COL4A2: variants seen among roughly 807,000 people sequenced by gnomAD.
COL4A2 encodes the protein collagen alpha-2(IV) chain.
In COL4A2, 99 loss-of-function variants were observed where a neutral mutation model predicts 200.2. The observed-to-expected ratio is 0.49, with a 90% CI of 0.42 to 0.58. COL4A2 has a LOEUF of 0.58. Among genes scored for constraint, COL4A2 ranks in the 20% least tolerant of loss-of-function variants. The pLI, the probability that COL4A2 is intolerant of heterozygous loss-of-function variation, is 0.00. For synonymous variants in COL4A2, 897 were observed against 900.6 expected (o/e 1.00, Z 0.07); for missense variants, 1,950 against 2,314.1 (o/e 0.84, Z 3.23).
chr13:110,463,782 T>A (rs1484643427), intron 24 of COL4A2, among the ~76,000 whole-genome samples: 1 of 152,206 alleles, frequency 6.6e-6, no homozygotes, highest in African/African-American at 2.4e-5. Flanking sequence ...GTGATTCTCC[T>A]GCCTTGGCTT....
intron 4 of COL4A2, among the ~76,000 whole-genome samples, chr13:110,422,852 T>A (rs1393170872): frequency 6.6e-6 from 1 of 152,216 alleles, no homozygotes. Flanking sequence ...CCCTCCATGC[T>A]ACTGCCTCAA....
intron 22 of COL4A2, among the ~76,000 whole-genome samples, chr13:110,461,083 T>C (rs1193507779): frequency 6.6e-6 from 1 of 152,212 alleles, no homozygotes; most frequent in African/African-American, 2.4e-5. Context: ...GGTACCCTGC[T>C]CATCGTGGAA....
intron 15 of COL4A2, 149 bp downstream of exon 15, chr13:110,438,817 C>CAT: frequency 1.4e-6 from 1 of 693,492 alleles, no homozygotes; most frequent in Non-Finnish European, 2.4e-6. Flanking sequence ...CCCCCACACA[C>CAT]ACACACAGCA....
intron 18 of COL4A2, 44 bp from the exon 19 acceptor site, chr13:110,449,635 A>G: frequency 6.7e-7 from 1 of 1,498,060 alleles, no homozygotes; most frequent in Non-Finnish European, 8.9e-7. Flanking sequence ...TGCGATCCGT[A>G]GACCACGGTC....
intron 20 of COL4A2, among the ~76,000 whole-genome samples, chr13:110,454,555 G>T (rs146566747): frequency 6.6e-6 from 1 of 152,120 alleles, no homozygotes; most frequent in Admixed American, 6.5e-5. Flanking sequence ...CAACTGACCG[G>T]ACACGCAGCT....
intron 39 of COL4A2, 76 bp downstream of exon 39, chr13:110,493,358 C>A: frequency 6.7e-7 from 1 of 1,495,332 alleles, no homozygotes; most frequent in Non-Finnish European, 9.3e-7. Context: ...GTCTGCCCTC[C>A]AGACTTCAGG....
chr13:110,323,749 C>T (rs1005845335), intron 3 of COL4A2, among the ~76,000 whole-genome samples: 6 of 152,252 alleles, frequency 3.9e-5, no homozygotes, highest in African/African-American at 7.2e-5. Context: ...CTGCCCCCAG[C>T]GCCCAGCTGG....
intron 36 of COL4A2, 140 bp downstream of exon 36, chr13:110,489,925 C>A: frequency 2.5e-6 from 2 of 803,650 alleles, no homozygotes; most frequent in Non-Finnish European, 4.0e-6. Context: ...GTCCAATGTG[C>A]AAGAAAGACC....
Position 110,436,152 on chromosome 13 carries a change from A to C in COL4A2, c.727-117A>C, listed in dbSNP as rs771967515. The C allele has an allele frequency of 2.8e-6, 4 of 1,445,324 alleles. No homozygotes were observed. In the South Asian group the frequency reaches 4.6e-5, roughly 17 times the overall value. 89.5% of individuals were successfully genotyped at this position (1,445,324 alleles called of 1,614,324 possible). ...TATTATACTGTAAATAGGTATACAT[A>C]TGGTAAGTAATATGCAAACATTAAA... On this transcript the variant is annotated intron_variant, in intron 12 of 47. Coordinates refer to ENST00000360467, the MANE Select transcript of COL4A2 (RefSeq NM_001846.4).
rs9670663 is a variant in COL4A2 at position 110,446,529 on chromosome 13, C to A, written c.1012-269C>A. Among the ~76,000 whole-genome samples the A allele has an allele frequency of 0.084, 12,831 of 152,238 alleles. 572 individuals are homozygous for A. The highest frequency in any genetic ancestry group is 0.17 in the Middle Eastern group (51 of 294). Reference sequence around the variant, plus strand: ...TAGTCTGAACTACAGAAAGCACAGTCTCCTGGCATTCGACAAGGATTTCAA... The same window carrying A: ...TAGTCTGAACTACAGAAAGCACAGTATCCTGGCATTCGACAAGGATTTCAA... On this transcript the variant is annotated intron_variant, in intron 17 of 47. Coordinates refer to ENST00000360467, the MANE Select transcript of COL4A2 (RefSeq NM_001846.4).
At chr13:110,475,024 G>T (rs186310545) in intron 29 of COL4A2, among the ~76,000 whole-genome samples, 1 of 147,278 alleles carries the variant, frequency 6.8e-6, no homozygotes, top group East Asian at 2.1e-4. Context: ...ATACACACAC[G>T]TACATACCCA....
In COL4A2 at chr13:110,462,384, C is replaced by T. The variant is rs767094122; in HGVS notation, c.1776C>T (p.Pro592=). ...LDGFPGLPGP[P]GDGIKGPPGD... Reference sequence around the variant, plus strand: ...GATTCCCCGGCCTCCCAGGCCCTCCCGTGAGTAGCCACAAACTGCGGCAGC... The same window carrying T: ...GATTCCCCGGCCTCCCAGGCCCTCCTGTGAGTAGCCACAAACTGCGGCAGC... The change falls in exon 24 of 48, where the codon CCC becomes CCT. Residue 592 remains proline, a splice_region_variant and synonymous_variant. Coordinates refer to ENST00000360467, the MANE Select transcript of COL4A2 (RefSeq NM_001846.4). The T allele has an allele frequency of 6.0e-5, 96 of 1,612,056 alleles. No individual in the cohort carries two copies. The highest frequency in any genetic ancestry group is 1.3e-4 in the African/African-American group (10 of 75,060).
In COL4A2 at chr13:110,512,497, T is replaced by C; in HGVS notation, c.*306T>C. The C allele has an allele frequency of 2.6e-6, 1 of 388,912 alleles. No homozygotes were observed. The allele number at this position is 388,912 out of a possible 1,614,324, so 24.1% of individuals were successfully genotyped here. A position where few individuals can be genotyped will look rare whatever the true frequency, so the allele number is the denominator to read the frequency against. ...GCACACACCCATGTAACCACTGCAC[T>C]TTCCAATGCCACAGACAACTCACAT... On this transcript the variant is annotated 3_prime_UTR_variant, in exon 48 of 48. Transcript: ENST00000360467.
At chr13:110,358,606 CACCACCACA>C (rs1031964158) in intron 4 of COL4A2, among the ~76,000 whole-genome samples, 2 of 152,214 alleles carry the variant, frequency 1.3e-5, no homozygotes, top group Admixed American at 1.3e-4. Flanking sequence ...TCCCCACCAG[CACCACCACA>C]AACATGTGGG....
chr13:110,488,043 T>A (rs987033133), intron 34 of COL4A2, among the ~76,000 whole-genome samples: 5 of 152,230 alleles, frequency 3.3e-5, no homozygotes, highest in Non-Finnish European at 5.9e-5. Flanking sequence ...GTTTTGTTTT[T>A]TGAGACAGAG....
intron 4 of COL4A2, among the ~76,000 whole-genome samples, chr13:110,364,725 T>C (rs946240777): frequency 3.9e-5 from 6 of 152,194 alleles, no homozygotes; most frequent in African/African-American, 1.4e-4. Context: ...ATTTACTATC[T>C]AGAATAGTCT....
chr13:110,469,414 T>G lies in COL4A2; in HGVS notation c.2203+90T>G, dbSNP rs1014341352. 5.7e-5 allele frequency: 74 copies of G among 1,297,654 alleles called. No individual in the cohort carries two copies. The African/African-American group carries it at 1.0e-3, about 18-fold the overall frequency. 80.4% of individuals were successfully genotyped at this position (1,297,654 alleles called of 1,614,324 possible). A position where few individuals can be genotyped will look rare whatever the true frequency, so the allele number is the denominator to read the frequency against. On this transcript the variant is annotated intron_variant, in intron 28 of 47. Transcript: ENST00000360467. ...AGCATCCAGCTCTATTATCTTCCAC[T>G]TTGTAGAAGCTGTTTTAACAAATAC...
intron 21 of COL4A2, 109 bp from the exon 22 acceptor site, chr13:110,458,662 C>A: frequency 1.5e-6 from 2 of 1,327,518 alleles, no homozygotes; most frequent in Non-Finnish European, 2.1e-6. Context: ...AGGCAGTGTC[C>A]ATAAAGCACC....
intron 31 of COL4A2, 59 bp downstream of exon 31, chr13:110,480,449 T>G: frequency 6.6e-7 from 1 of 1,525,680 alleles, no homozygotes; most frequent in Non-Finnish European, 8.8e-7. Context: ...TAATCAACTC[T>G]GACCTGAGAC....
Sources: gnomAD v4.1 joint callset for allele counts (sites outside exome capture counted in the v4.1 genomes callset) on GRCh38, gnomAD v4.1.1 for gene constraint, MANE v1.5 for transcripts, NCBI Gene and HGNC (gene_info 2026-07-23, HGNC 2026-07-21) for gene names.